Variants in CCDC148 observed in about 807,000 individuals in gnomAD.
CCDC148 encodes the protein coiled-coil domain-containing protein 148.
CCDC148 carries 89 observed loss-of-function variants against 85.7 expected under a neutral mutation model. That is an observed-to-expected ratio of 1.04 (90% CI 0.87 to 1.24). The LOEUF (loss-of-function observed/expected upper bound fraction) is 1.24, where lower values mean the gene tolerates loss of function less well. CCDC148 is among the 50% of genes most tolerant of loss of function. The probability of loss-of-function intolerance (pLI) is 0.00; values close to 1 mark genes in which losing one functional copy is unlikely to be tolerated. For synonymous variants in CCDC148, 230 were observed against 213.9 expected (o/e 1.08, Z -0.66); for missense variants, 692 against 671.7 (o/e 1.03, Z -0.33).
intron 8 of CCDC148, among the ~76,000 whole-genome samples, chr2:158,313,353 A>C (rs1255313075): frequency 1.3e-5 from 2 of 152,224 alleles, no homozygotes; most frequent in Non-Finnish European, 2.9e-5. Context: ...CTGTGACTAG[A>C]AAGACTGAGG....
At chr2:158,360,016 T>C (rs541105105) in intron 1 of CCDC148, among the ~76,000 whole-genome samples, 56 of 152,202 alleles carry the variant, frequency 3.7e-4, no homozygotes, top group Non-Finnish European at 6.2e-4. Context: ...TTACTAAGGC[T>C]TGAGTAGGCG....
At chr2:158,424,924 GATT>G (rs1245644221) in intron 1 of CCDC148, 1 of 286,508 alleles carries the variant, frequency 3.5e-6, no homozygotes, top group Admixed American at 4.2e-5. Context: ...TTAGACAGCA[GATT>G]ATTATCAAAT....
intron 1 of CCDC148, among the ~76,000 whole-genome samples, chr2:158,377,662 G>A (rs1574720005): frequency 6.6e-6 from 1 of 151,926 alleles, no homozygotes; most frequent in Non-Finnish European, 1.5e-5. Context: ...GCAACCCTGT[G>A]CCAAGCAAGC....
At chr2:158,313,959 G>T (rs1024355140) in intron 7 of CCDC148, 65 bp from the exon 8 acceptor site, 27 of 1,477,018 alleles carry the variant, frequency 1.8e-5, no homozygotes, top group Admixed American at 4.1e-5. Flanking sequence ...GACTCAAACT[G>T]TTCAAGCTAC....
chr2:158,409,399 G>T (rs1362828453), intron 1 of CCDC148, among the ~76,000 whole-genome samples: 10 of 152,236 alleles, frequency 6.6e-5, no homozygotes, highest in Non-Finnish European at 1.3e-4. Flanking sequence ...TCTTGCATCA[G>T]TGTGACCTGG....
chr2:158,363,692 C>A (rs1303805338), intron 1 of CCDC148, among the ~76,000 whole-genome samples: 1 of 152,090 alleles, frequency 6.6e-6, no homozygotes, highest in East Asian at 1.9e-4. Flanking sequence ...TTATGATAAA[C>A]CCACAACCAA....
At position 158,336,925 on chromosome 2, in the gene CCDC148, A is replaced by G. The variant is rs180814835; in HGVS notation, c.764+1801T>C. Among the ~76,000 whole-genome samples the G allele has an allele frequency of 2.6e-5, 4 of 152,246 alleles. No individual in the cohort carries two copies. The East Asian group carries it at 7.7e-4, about 29-fold the overall frequency. ...CTTCAAACTCCATAGTGAATTTTACATCCTCCATCAAGCCTTCCTAAGCTA... is the reference window on the plus strand; with the variant it reads ...CTTCAAACTCCATAGTGAATTTTACGTCCTCCATCAAGCCTTCCTAAGCTA... On this transcript the variant is annotated intron_variant, in intron 7 of 13. Coordinates refer to ENST00000283233, the MANE Select transcript of CCDC148 (RefSeq NM_138803.4).
chr2:158,265,413 G>A (rs9288709), intron 9 of CCDC148, among the ~76,000 whole-genome samples: 61,316 of 151,644 alleles, frequency 0.4, 13,075 homozygotes, highest in South Asian at 0.61. Context: ...TTTTTCATAC[G>A]TGTGACTCCT....
In CCDC148 at chr2:158,178,912, C is replaced by T; in HGVS notation, c.1455G>A (p.Glu485=). ...TAAGGGCTTCTAGCCGCCGTGCTCT[C>T]TCTTTGTCTTCATGAGCTTCTTGAA... ...VALQEAHEDK[E]RARRLEALRK... Residue 485 remains glutamate, a synonymous_variant, in exon 12 of 14, where the codon GAG becomes GAA. Coordinates refer to ENST00000283233, the MANE Select transcript of CCDC148 (RefSeq NM_138803.4). 2 of 1,613,666 alleles carry T rather than the reference C, an allele frequency of 1.2e-6. No homozygotes were observed. The highest frequency in any genetic ancestry group is 1.3e-5 in the African/African-American group (1 of 75,024).
chr2:158,183,530 A>G (rs1685007791), intron 11 of CCDC148, among the ~76,000 whole-genome samples: 1 of 152,152 alleles, frequency 6.6e-6, no homozygotes, highest in African/African-American at 2.4e-5. Context: ...ACTTCTGACA[A>G]ATGGTCAATA....
At chr2:158,276,000 A>AG (rs2105167661) in intron 9 of CCDC148, among the ~76,000 whole-genome samples, 1 of 152,344 alleles carries the variant, frequency 6.6e-6, no homozygotes, top group South Asian at 2.1e-4. Context: ...TCAAAAAAAA[A>AG]AAGAGTAAAT....
chr2:158,256,781 C>T (rs533143990), intron 9 of CCDC148, among the ~76,000 whole-genome samples: 2 of 151,862 alleles, frequency 1.3e-5, no homozygotes, highest in East Asian at 3.9e-4. Flanking sequence ...GGCTCAGATG[C>T]CATTTGCTCC....
chr2:158,447,784 G>C (rs1255457041), intron 1 of CCDC148, among the ~76,000 whole-genome samples: 1 of 151,686 alleles, frequency 6.6e-6, no homozygotes, highest in Non-Finnish European at 1.5e-5. Context: ...ATATATTCTA[G>C]ATACAAGTAC....
Position 158,178,908 on chromosome 2 carries a change from C to G in CCDC148, c.1459G>C (p.Ala487Pro). The G allele has an allele frequency of 1.9e-6, 3 of 1,613,470 alleles. No individual in the cohort carries two copies. Among genetic ancestry groups the G allele is most frequent in the Non-Finnish European group, 2.5e-6 (3 of 1,179,634 alleles). ...LQEAHEDKERARRLEALRKQV... is the reference protein window; with the variant it reads ...LQEAHEDKERPRRLEALRKQV... ...TTCCTAAGGGCTTCTAGCCGCCGTG[C>G]TCTCTCTTTGTCTTCATGAGCTTCT... The change falls in exon 12 of 14, where the codon GCA becomes CCA. Residue 487 changes from alanine (A) to proline (P), a missense_variant. Physicochemically the swap from Ala to Pro is conservative, Grantham distance 27. Coordinates refer to ENST00000283233, the MANE Select transcript of CCDC148 (RefSeq NM_138803.4).
chr2:158,332,494 CT>C (rs1444747331), intron 7 of CCDC148, among the ~76,000 whole-genome samples: 1 of 138,588 alleles, frequency 7.2e-6, no homozygotes, highest in Non-Finnish European at 1.6e-5. Flanking sequence ...CTGAAATTTT[CT>C]TTTTTTGTCG....
Position 158,306,620 on chromosome 2 carries a change from T to C in CCDC148, c.1110+2813A>G, listed in dbSNP as rs186142857. On this transcript the variant is annotated intron_variant, in intron 9 of 13. Transcript: ENST00000283233. ...GCATGTTCTCACTCATAGGTGGGAA[T>C]TGAACAACGAGAACACTTGGACACA... is the stretch of plus-strand genomic sequence containing the variant. Among the ~76,000 whole-genome samples the C allele has an allele frequency of 6.7e-3, 1,020 of 151,622 alleles. 7 individuals are homozygous for C. The highest frequency in any genetic ancestry group is 0.02 in the Middle Eastern group (6 of 294).
intron 1 of CCDC148, among the ~76,000 whole-genome samples, chr2:158,380,346 G>C (rs988776210): frequency 2.0e-5 from 3 of 151,978 alleles, no homozygotes; most frequent in Non-Finnish European, 4.4e-5. Flanking sequence ...AATAAAATAG[G>C]TTCATTTAAA....
rs562224956 is a variant in CCDC148, at chr2:158,185,294, T to C, written c.1371-6298A>G. Among the ~76,000 whole-genome samples, 4 of 152,228 alleles carry C rather than the reference T, an allele frequency of 2.6e-5. No individual in the cohort carries two copies. The Middle Eastern group carries it at 0.01, about 388-fold the overall frequency. ...ATTACTGAACCTCTTTCTTTCCCTC[T>C]GATGGACAAAACACTGGTGTATCCT... On this transcript the variant is annotated intron_variant, in intron 11 of 13. Transcript: ENST00000283233.
At chr2:158,187,328 C>T (rs1394533690) in intron 11 of CCDC148, among the ~76,000 whole-genome samples, 5 of 151,986 alleles carry the variant, frequency 3.3e-5, no homozygotes, top group Non-Finnish European at 7.4e-5. Flanking sequence ...CAACCACCTT[C>T]CATGGTTCTC....
Sources: allele counts gnomAD v4.1 joint callset (sites outside exome capture counted in the v4.1 genomes callset), GRCh38; gene constraint gnomAD v4.1.1; transcripts MANE v1.5; gene names NCBI Gene and HGNC (gene_info 2026-07-23, HGNC 2026-07-21).